The following TRPM6 variants were observed in gnomAD, a reference collection of about 807,000 sequenced individuals.
TRPM6 encodes the protein transient receptor potential cation channel subfamily M member 6.
TRPM6 carries 111 observed loss-of-function variants against 247.6 expected under a neutral mutation model. That is an observed-to-expected ratio of 0.45 (90% CI 0.38 to 0.52). The LOEUF is 0.52. TRPM6 is among the 20% of genes least tolerant of loss of function. The pLI, the probability that TRPM6 is intolerant of heterozygous loss-of-function variation, is 0.00. For synonymous variants in TRPM6, 892 were observed against 853.8 expected, an observed-to-expected ratio of 1.04 and a Z score of -0.78; for missense variants, 2,126 against 2,421.5, an observed-to-expected ratio of 0.88 and a Z score of 2.56.
intron 20 of TRPM6, among the ~76,000 whole-genome samples, chr9:74,787,429 G>A (rs1399528129): frequency 6.6e-6 from 1 of 151,632 alleles, no homozygotes; most frequent in African/African-American, 2.4e-5. Context: ...AAACAGAAAT[G>A]TAAAATAGTA....
intron 38 of TRPM6, 142 bp from the exon 39 acceptor site, chr9:74,724,888 C>T (rs1033169641): frequency 2.0e-5 from 22 of 1,092,568 alleles, no homozygotes; most frequent in Non-Finnish European, 2.7e-5. Flanking sequence ...CTCAAACCCT[C>T]AACCATGTCT....
chr9:74,802,005 G>A lies in TRPM6; in HGVS notation c.1902C>T (p.Ala634=), dbSNP rs955209928. ...AMFFWQHGEE[A]TVKAVIACIL... ...TACACGCAATCACGGCTTTAACCGT[G>A]GCCTCCTCTCCATGCTGCCAGAAGA... The change falls in exon 16 of 39, where the codon GCC becomes GCT. Residue 634 remains alanine (A), a synonymous_variant. Transcript: ENST00000360774. The A allele has an allele frequency of 1.4e-5, 22 of 1,614,022 alleles. No homozygotes were observed. Among genetic ancestry groups the A allele is most frequent in the Non-Finnish European group, 1.7e-5 (20 of 1,180,044 alleles).
intron 28 of TRPM6, among the ~76,000 whole-genome samples, chr9:74,752,782 T>A (rs1826294938): frequency 6.6e-6 from 1 of 152,142 alleles, no homozygotes; most frequent in Admixed American, 6.6e-5. Flanking sequence ...AGCAACTGCA[T>A]CAAACATCAT....
rs141497634 is a variant in TRPM6, at chr9:74,738,111, G to A, written c.5776+296C>T. Among the ~76,000 whole-genome samples the A allele has an allele frequency of 1.1e-3, 163 of 152,300 alleles. 3 individuals are homozygous for A. The highest frequency in any genetic ancestry group is 3.8e-3 in the African/African-American group (158 of 41,558). On this transcript the variant is annotated intron_variant, in intron 36 of 38. Transcript: ENST00000360774. The stretch of plus-strand genomic sequence containing the variant: ...TGCCTAAATATTAACATAAGGCTAA[G>A]TGAAGTCATAAAACTGAAAAATTTG...
At chr9:74,801,136 C>T (rs1828317011) in intron 16 of TRPM6, among the ~76,000 whole-genome samples, 1 of 150,972 alleles carries the variant, frequency 6.6e-6, no homozygotes, top group Admixed American at 6.6e-5. Context: ...CAGGGTCTTG[C>T]TGTGTTGCCC....
intron 7 of TRPM6, among the ~76,000 whole-genome samples, chr9:74,822,873 G>T (rs375886439): frequency 9.9e-5 from 15 of 152,028 alleles, no homozygotes; most frequent in South Asian, 6.2e-4. Context: ...TATTTTATAT[G>T]TATATATGCA....
At chr9:74,782,584 A>AT in intron 22 of TRPM6, 95 bp downstream of exon 22, 1 of 1,525,532 alleles carries the variant, frequency 6.6e-7, no homozygotes. Flanking sequence ...AAATTCAAAC[A>AT]TTTTTAAGAT....
At chr9:74,773,148 C>T (rs1254327091) in intron 24 of TRPM6, among the ~76,000 whole-genome samples, 1 of 152,056 alleles carries the variant, frequency 6.6e-6, no homozygotes, top group Non-Finnish European at 1.5e-5. Context: ...ACAACAACAA[C>T]AACAAAAACC....
intron 35 of TRPM6, 23 bp from the exon 36 acceptor site, chr9:74,738,635 T>G (rs1360926641): frequency 6.2e-7 from 1 of 1,608,398 alleles, no homozygotes; most frequent in Non-Finnish European, 8.5e-7. Flanking sequence ...AAGAGGCCAT[T>G]GATCCCCCAC....
chr9:74,863,650 C>T (rs979223228), intron 1 of TRPM6, among the ~76,000 whole-genome samples: 11 of 152,112 alleles, frequency 7.2e-5, no homozygotes, highest in African/African-American at 1.9e-4. Context: ...GGCGCGATCT[C>T]GGCTCACTGC....
rs56843983 is a variant in TRPM6 at position 74,728,428 on chromosome 9, T to A, written c.5829-83A>T. On this transcript the variant is annotated intron_variant, in intron 37 of 38. Transcript: ENST00000360774. The stretch of plus-strand genomic sequence containing the variant: ...GGATTCTCCGAGATACCGAACAGTA[T>A]CCCATAGTAACCCAGTAAACTTGAA... 456 of 975,498 alleles carry A rather than the reference T, an allele frequency of 4.7e-4. No homozygotes were observed. The African/African-American group carries it at 6.4e-3, about 14-fold the overall frequency. 60.4% of individuals were successfully genotyped at this position (975,498 alleles called of 1,614,324 possible). A position where few individuals can be genotyped will look rare whatever the true frequency, so the allele number is the denominator to read the frequency against.
At chr9:74,733,930 T>C (rs1382761098) in intron 36 of TRPM6, among the ~76,000 whole-genome samples, 1 of 152,260 alleles carries the variant, frequency 6.6e-6, no homozygotes, top group African/African-American at 2.4e-5. Context: ...GGGTGATGGT[T>C]ACACCTGTGT....
At chr9:74,815,018 A>G (rs766117947) in intron 11 of TRPM6, among the ~76,000 whole-genome samples, 1 of 152,186 alleles carries the variant, frequency 6.6e-6, no homozygotes, top group Non-Finnish European at 1.5e-5. Flanking sequence ...AAGCTACCAA[A>G]GGAAAGATAG....
chr9:74,879,303 GTA>G (rs1831286578), intron 1 of TRPM6, among the ~76,000 whole-genome samples: 1 of 149,950 alleles, frequency 6.7e-6, no homozygotes, highest in Non-Finnish European at 1.5e-5. Flanking sequence ...ACATATATTT[GTA>G]TATGATTTAT....
intron 6 of TRPM6, 34 bp downstream of exon 6, chr9:74,833,964 G>T (rs184468449): frequency 1.2e-6 from 2 of 1,612,510 alleles, no homozygotes; most frequent in Admixed American, 3.3e-5. Flanking sequence ...ACACGTGTTC[G>T]TTTGCTTTTG....
Position 74,739,855 on chromosome 9 carries a change from G to A in TRPM6, c.5355C>T (p.Val1785=), listed in dbSNP as rs549046338. Residue 1785 remains valine (V), a synonymous_variant, in exon 34 of 39, where the codon GTC becomes GTT. Coordinates refer to ENST00000360774, the MANE Select transcript of TRPM6 (RefSeq NM_017662.5). The stretch of plus-strand genomic sequence containing the variant: ...TGTCATCCTCAGACCAAGTGCTGAC[G>A]ACTCTCATAGCTTTACGGAGGCCCC... ...MDGGLRKAMR[V]VSTWSEDDIL... 1.1e-5 allele frequency: 17 copies of A among 1,614,082 alleles called. No homozygotes were observed. The highest frequency in any genetic ancestry group is 5.3e-5 in the African/African-American group (4 of 75,018).
intron 21 of TRPM6, among the ~76,000 whole-genome samples, chr9:74,785,257 A>G (rs1052157027): frequency 2.6e-5 from 4 of 152,218 alleles, no homozygotes; most frequent in African/African-American, 9.6e-5. Context: ...CTTGAGCCCA[A>G]CAGTTCAAAT....
intron 13 of TRPM6, 80 bp downstream of exon 13, chr9:74,810,735 A>G: frequency 1.5e-6 from 2 of 1,322,090 alleles, no homozygotes; most frequent in East Asian, 4.6e-5. Flanking sequence ...TGCATTTTAC[A>G]AAGCAAAATT....
chr9:74,882,552 A>G (rs71507887), intron 1 of TRPM6, among the ~76,000 whole-genome samples: 1 of 152,230 alleles, frequency 6.6e-6, no homozygotes, highest in African/African-American at 2.4e-5. Context: ...AATCAAAACC[A>G]CAATGAGATA....
Sources: allele counts gnomAD v4.1 joint callset (sites outside exome capture counted in the v4.1 genomes callset), GRCh38; gene constraint gnomAD v4.1.1; transcripts MANE v1.5; gene names NCBI Gene and HGNC (gene_info 2026-07-23, HGNC 2026-07-21).